Variants in AOPEP observed in about 807,000 individuals in gnomAD.
AOPEP encodes the protein aminopeptidase O (putative).
AOPEP carries 77 observed loss-of-function variants against 98.1 expected under a neutral mutation model. The ratio of observed to expected loss-of-function variants is 0.78; its 90% CI spans 0.65 to 0.95. The LOEUF (loss-of-function observed/expected upper bound fraction) is 0.95, where lower values mean the gene tolerates loss of function less well. AOPEP is among the 40% of genes least tolerant of loss of function. The probability of loss-of-function intolerance (pLI) is 0.00; values close to 1 mark genes in which losing one functional copy is unlikely to be tolerated. For synonymous variants in AOPEP, 346 were observed against 365.3 expected (o/e 0.95, Z 0.60); for missense variants, 1,024 against 1,024.7 (o/e 1.00, Z 0.01).
intron 5 of AOPEP, among the ~76,000 whole-genome samples, chr9:94,876,348 G>GTTGCTTTTTC (rs2046936835): frequency 6.6e-6 from 1 of 151,536 alleles, no homozygotes; most frequent in African/African-American, 2.4e-5. Flanking sequence ...AAACACATCA[G>GTTGCTTTTTC]TTGCTTTTTC....
intron 7 of AOPEP, chr9:94,933,363 T>G (rs2137152645): frequency 1.0e-6 from 1 of 985,450 alleles, no homozygotes; most frequent in South Asian, 4.7e-5. Context: ...AAGAAATCTG[T>G]TGTTTTTTTA....
intron 13 of AOPEP, among the ~76,000 whole-genome samples, chr9:95,027,688 C>T (rs1219034428): frequency 6.6e-6 from 1 of 152,170 alleles, no homozygotes; most frequent in African/African-American, 2.4e-5. Context: ...ATTAAAAATG[C>T]AACTAGCAGT....
At chr9:95,045,205 A>G (rs1256169737) in intron 13 of AOPEP, among the ~76,000 whole-genome samples, 1 of 152,190 alleles carries the variant, frequency 6.6e-6, no homozygotes. Context: ...CTGTGCTTGG[A>G]GGAAAGGACG....
intron 5 of AOPEP, among the ~76,000 whole-genome samples, chr9:94,822,882 C>T (rs1588402049): frequency 6.6e-6 from 1 of 152,166 alleles, no homozygotes; most frequent in Non-Finnish European, 1.5e-5. Flanking sequence ...TTCTGTATCT[C>T]GCCCGTCTCC....
At chr9:95,051,775 C>G (rs2066391142) in intron 13 of AOPEP, among the ~76,000 whole-genome samples, 1 of 151,508 alleles carries the variant, frequency 6.6e-6, no homozygotes, top group Non-Finnish European at 1.5e-5. Context: ...ACAATCTTGG[C>G]TCACTGCAAG....
the AOPEP span, among the ~76,000 whole-genome samples, chr9:95,136,952 G>A: frequency 1.3e-5 from 2 of 152,146 alleles, no homozygotes; most frequent in African/African-American, 2.4e-5. Context: ...AGCTGCCCCC[G>A]AGAGCCACCT....
chr9:94,800,880 G>T lies in AOPEP; in HGVS notation c.1242G>T (p.Glu414Asp). The stretch of plus-strand genomic sequence containing the variant: ...TGTGCCTCACGGGTGCCTGCCAAGA[G>T]ACCCTTCTGCGGCTGATCCCTCCTT... ...APVCLTGACQ[E>D]TLLRLIPPCL... is the part of the protein sequence containing the mutation. The change falls in exon 5 of 17, where the codon GAG (glutamate) becomes GAT (aspartate). Residue 414 changes from glutamate to aspartate, a missense_variant. By Grantham distance (45) the Glu-to-Asp change is conservative. Coordinates refer to ENST00000375315, the MANE Select transcript of AOPEP (RefSeq NM_001193329.3). The T allele has an allele frequency of 6.2e-7, 1 of 1,614,140 alleles. No individual in the cohort carries two copies. Among genetic ancestry groups the T allele is most frequent in the Middle Eastern group, 1.6e-4 (1 of 6,062 alleles).
chr9:95,100,600 A>G, the AOPEP span: 1 of 230,668 alleles, frequency 4.3e-6, no homozygotes, highest in African/African-American at 2.2e-5. Context: ...CCCTGTACTG[A>G]CATGAAATAA....
In AOPEP at chr9:95,074,125, GTGCTTCCT is replaced by G. The variant is rs1240774508; in HGVS notation, c.2233-6567_2233-6560del. On this transcript the variant is annotated intron_variant, in intron 14 of 16. Transcript: ENST00000375315. Reference sequence around the variant, plus strand: ...ATCCTCATAGCCAGTGCCTGTGTGTGTGCTTCCTTCCACGTGCTTTTTGGATACCCAGG... The same window carrying G: ...ATCCTCATAGCCAGTGCCTGTGTGTGTCCACGTGCTTTTTGGATACCCAGG... 2.6e-5 allele frequency among the ~76,000 whole-genome samples: 4 copies of G among 152,292 alleles called. No individual in the cohort carries two copies. In the East Asian group the frequency reaches 7.7e-4, roughly 29 times the overall value.
At chr9:95,133,568 G>GTGC in the AOPEP span, among the ~76,000 whole-genome samples, 1 of 152,254 alleles carries the variant, frequency 6.6e-6, no homozygotes, top group Non-Finnish European at 1.5e-5. Context: ...GCTCACCACA[G>GTGC]TGCTGCTCAG....
intron 5 of AOPEP, among the ~76,000 whole-genome samples, chr9:94,808,543 C>A (rs1849770316): frequency 6.6e-6 from 1 of 152,182 alleles, no homozygotes; most frequent in African/African-American, 2.4e-5. Context: ...GGTTAACTAA[C>A]CATGCTATTT....
chr9:94,757,297 A>G (rs935108573), intron 1 of AOPEP, among the ~76,000 whole-genome samples: 2 of 152,252 alleles, frequency 1.3e-5, no homozygotes, highest in Non-Finnish European at 2.9e-5. Flanking sequence ...TGGAAAGTTA[A>G]AAGTTTTAGA....
intron 1 of AOPEP, among the ~76,000 whole-genome samples, chr9:94,749,350 A>G (rs1010665108): frequency 1.3e-5 from 2 of 152,072 alleles, no homozygotes; most frequent in African/African-American, 4.8e-5. Context: ...CTTCAGATCC[A>G]TCTTGTATTT....
chr9:94,901,355 T>G (rs538792149), intron 5 of AOPEP, among the ~76,000 whole-genome samples: 7 of 152,198 alleles, frequency 4.6e-5, no homozygotes, highest in Middle Eastern at 3.4e-3. Flanking sequence ...AATCACCTAA[T>G]AGTATAGTAT....
chr9:95,052,796 A>G (rs889874588), intron 13 of AOPEP, among the ~76,000 whole-genome samples: 8 of 152,210 alleles, frequency 5.3e-5, no homozygotes, highest in African/African-American at 1.9e-4. Context: ...AATATATTTT[A>G]TAATTTGTTA....
chr9:95,051,339 C>T lies in AOPEP; in HGVS notation c.2116-9355C>T, dbSNP rs545308968. ...TCTTGACCTTGTGATCTATCTGCCT[C>T]GGCCTCCCAAAATGTTGGGATTACA... is the stretch of plus-strand genomic sequence containing the variant. On this transcript the variant is annotated intron_variant, in intron 13 of 16. Transcript: ENST00000375315. Among the ~76,000 whole-genome samples, 10 of 152,022 alleles carry T rather than the reference C, an allele frequency of 6.6e-5. No individual in the cohort carries two copies. In the South Asian group the frequency reaches 1.7e-3, roughly 25 times the overall value.
chr9:94,819,394 G>C (rs138435752), intron 5 of AOPEP, among the ~76,000 whole-genome samples: 1 of 152,130 alleles, frequency 6.6e-6, no homozygotes, highest in Non-Finnish European at 1.5e-5. Flanking sequence ...CAGCAGCTGC[G>C]GGGAGCCAGG....
chr9:94,834,260 A>C (rs1255522845), intron 5 of AOPEP, among the ~76,000 whole-genome samples: 1 of 152,230 alleles, frequency 6.6e-6, no homozygotes, highest in Non-Finnish European at 1.5e-5. Flanking sequence ...TGGTTTCTTC[A>C]AAAGATACAT....
chr9:94,906,261 C>T (rs956839672), intron 5 of AOPEP, among the ~76,000 whole-genome samples: 55 of 149,722 alleles, frequency 3.7e-4, no homozygotes, highest in African/African-American at 1.3e-3. Flanking sequence ...GAGATCGAGA[C>T]CAGCCTGGGC....
Sources: gnomAD v4.1 joint callset for allele counts (sites outside exome capture counted in the v4.1 genomes callset) on GRCh38, gnomAD v4.1.1 for gene constraint, MANE v1.5 for transcripts, NCBI Gene and HGNC (gene_info 2026-07-23, HGNC 2026-07-21) for gene names.